The following DNAH6 variants were observed in gnomAD, a reference collection of about 807,000 sequenced individuals.
The protein encoded by DNAH6 is dynein axonemal heavy chain 6, also known as axonemal beta dynein heavy chain 6.
A neutral mutation model predicts 491.4 loss-of-function variants in DNAH6; 340 were observed. That is an observed-to-expected ratio of 0.69 (90% CI 0.63 to 0.76). The LOEUF is 0.76. DNAH6 is among the 30% of genes least tolerant of loss of function. DNAH6 has a pLI of 0.00. For synonymous variants in DNAH6, 1,603 were observed against 1,686.1 expected, an observed-to-expected ratio of 0.95 and a Z score of 1.21; for missense variants, 4,443 against 4,972.2, an observed-to-expected ratio of 0.89 and a Z score of 3.20.
chr2:84,681,230 T>C (rs1425497887), intron 41 of DNAH6, 127 bp from the exon 42 acceptor site: 1 of 764,656 alleles, frequency 1.3e-6, no homozygotes, highest in Non-Finnish European at 2.0e-6. Flanking sequence ...AGAGCTTTGA[T>C]ACCAGAAGAC....
intron 75 of DNAH6, 44 bp from the exon 76 acceptor site, chr2:84,815,817 C>A: frequency 7.0e-7 from 1 of 1,438,322 alleles, no homozygotes; most frequent in Non-Finnish European, 9.5e-7. Context: ...ACCTGCTGAT[C>A]CCTTTTCCCC....
At chr2:84,601,728 G>A (rs1431761251) in intron 18 of DNAH6, among the ~76,000 whole-genome samples, 1 of 151,674 alleles carries the variant, frequency 6.6e-6, no homozygotes, top group African/African-American at 2.4e-5. Context: ...TTATACAGTT[G>A]GATTGAATCT....
intron 62 of DNAH6, among the ~76,000 whole-genome samples, chr2:84,739,912 T>TG (rs1672347718): frequency 6.6e-6 from 1 of 152,208 alleles, no homozygotes; most frequent in Non-Finnish European, 1.5e-5. Context: ...ATCCATTGCT[T>TG]GGGAGCTAGT....
chr2:84,462,470 C>G, the DNAH6 span, among the ~76,000 whole-genome samples: 3 of 152,186 alleles, frequency 2.0e-5, no homozygotes, highest in Admixed American at 2.0e-4. Context: ...TCCTGAGTCA[C>G]GAGTGCATCC....
At chr2:84,796,228 C>T (rs548334453) in intron 68 of DNAH6, 78 bp from the exon 69 acceptor site, 13 of 969,538 alleles carry the variant, frequency 1.3e-5, no homozygotes, top group African/African-American at 6.7e-5. Context: ...TATAAATAAA[C>T]ATTAAAAATT....
At chr2:84,736,051 G>A (rs1295557289) in intron 62 of DNAH6, among the ~76,000 whole-genome samples, 1 of 152,010 alleles carries the variant, frequency 6.6e-6, no homozygotes, top group South Asian at 2.1e-4. Flanking sequence ...GAAGTAGGGG[G>A]TCCAGTTTCA....
At chr2:84,751,654 A>G (rs1673484922) in intron 63 of DNAH6, among the ~76,000 whole-genome samples, 1 of 152,260 alleles carries the variant, frequency 6.6e-6, no homozygotes, top group Admixed American at 6.5e-5. Flanking sequence ...AGAGAAAAAA[A>G]CTACCGTAAT....
chr2:84,642,144 C>A (rs1247824279), intron 33 of DNAH6, 90 bp downstream of exon 33: 13 of 893,376 alleles, frequency 1.5e-5, no homozygotes, highest in Non-Finnish European at 2.2e-5. Flanking sequence ...CTCTAACAAG[C>A]TGAAAACTTT....
At chr2:84,542,480 A>T (rs886457928) in intron 4 of DNAH6, among the ~76,000 whole-genome samples, 1 of 152,158 alleles carries the variant, frequency 6.6e-6, no homozygotes, top group African/African-American at 2.4e-5. Flanking sequence ...AAAAAGTCAG[A>T]TAGTGGTATC....
chr2:84,767,130 A>G (rs1675149530), intron 64 of DNAH6, among the ~76,000 whole-genome samples: 1 of 152,220 alleles, frequency 6.6e-6, no homozygotes, highest in Non-Finnish European at 1.5e-5. Context: ...TATCCTGATA[A>G]TGGATATACG....
the DNAH6 span, among the ~76,000 whole-genome samples, chr2:84,500,368 C>T: frequency 6.6e-6 from 1 of 152,126 alleles, no homozygotes; most frequent in Non-Finnish European, 1.5e-5. Flanking sequence ...TCTGGGTTCT[C>T]TATTCTGTTC....
intron 33 of DNAH6, among the ~76,000 whole-genome samples, chr2:84,643,643 C>T (rs1689625560): frequency 6.6e-6 from 1 of 152,080 alleles, no homozygotes; most frequent in African/African-American, 2.4e-5. Context: ...CAGCTGTGTC[C>T]AATCTACTAA....
At chr2:84,684,022 C>T (rs1694054690) in intron 42 of DNAH6, among the ~76,000 whole-genome samples, 1 of 152,186 alleles carries the variant, frequency 6.6e-6, no homozygotes, top group Non-Finnish European at 1.5e-5. Flanking sequence ...CCTGATCTTC[C>T]CAACTCCCGA....
the DNAH6 span, among the ~76,000 whole-genome samples, chr2:84,461,274 G>A: frequency 2.0e-5 from 3 of 152,194 alleles, no homozygotes; most frequent in South Asian, 2.1e-4. Flanking sequence ...GTAATTTTAA[G>A]TTGGTCTGAT....
In DNAH6 at chr2:84,785,592, T is replaced by C. The variant is rs1677098146; in HGVS notation, c.10954-18T>C. ...ATAAAATCACTCTCTCTGCCACATA[T>C]ATTCTATCTAAATCCAGGTGACCAA... On this transcript the variant is annotated intron_variant, in intron 66 of 76. Transcript: ENST00000389394. 1 of 1,512,896 alleles carries C rather than the reference T, an allele frequency of 6.6e-7. No individual in the cohort carries two copies. The highest frequency in any genetic ancestry group is 8.8e-7 in the Non-Finnish European group (1 of 1,133,236). 93.7% of individuals were successfully genotyped at this position (1,512,896 alleles called of 1,614,324 possible). A position where few individuals can be genotyped will look rare whatever the true frequency, so the allele number is the denominator to read the frequency against.
chr2:84,537,149 G>A (rs975861728), intron 4 of DNAH6, among the ~76,000 whole-genome samples: 1 of 151,960 alleles, frequency 6.6e-6, no homozygotes. Context: ...TCCTGCAGCT[G>A]TGTACCCTCA....
intron 45 of DNAH6, among the ~76,000 whole-genome samples, chr2:84,693,604 A>T (rs1028156359): frequency 5.9e-5 from 9 of 152,064 alleles, no homozygotes; most frequent in Admixed American, 2.0e-4. Flanking sequence ...TTAGCCGGGC[A>T]TGGTGGCAGC....
At chr2:84,776,292 A>G (rs1676113700) in intron 64 of DNAH6, among the ~76,000 whole-genome samples, 1 of 152,214 alleles carries the variant, frequency 6.6e-6, no homozygotes, top group African/African-American at 2.4e-5. Context: ...CATGTGCAGC[A>G]TTGGCAGTGG....
chr2:84,530,555 G>A (rs1019510117), intron 4 of DNAH6, among the ~76,000 whole-genome samples: 2 of 152,100 alleles, frequency 1.3e-5, no homozygotes, highest in Admixed American at 1.3e-4. Context: ...AACCATGGAA[G>A]GATTTTGGGC....
Sources: gnomAD v4.1 joint callset for allele counts (sites outside exome capture counted in the v4.1 genomes callset) on GRCh38, gnomAD v4.1.1 for gene constraint, MANE v1.5 for transcripts, NCBI Gene and HGNC (gene_info 2026-07-23, HGNC 2026-07-21) for gene names.